PROSER1: variants seen among roughly 807,000 people sequenced by gnomAD.
PROSER1 encodes proline and serine rich 1.
Under a neutral mutation model 71.8 loss-of-function variants are expected in PROSER1, and 36 were observed. The ratio of observed to expected loss-of-function variants is 0.50; its 90% confidence interval spans 0.38 to 0.66. The LOEUF (loss-of-function observed/expected upper bound fraction) is 0.66. Among genes scored for constraint, PROSER1 ranks in the 30% least tolerant of loss-of-function variants. The probability of loss-of-function intolerance (pLI) is 0.00; values close to 1 mark genes in which losing one functional copy is unlikely to be tolerated. For missense variants in PROSER1, 1,107 were observed against 1,135.0 expected (o/e 0.98, Z 0.35); for synonymous variants, 490 against 452.4 (o/e 1.08, Z -1.06).
intron 10 of PROSER1, among the ~76,000 whole-genome samples, chr13:39,016,626 T>C (rs547574196): frequency 6.6e-6 from 1 of 152,282 alleles, no homozygotes; most frequent in South Asian, 2.1e-4. Context: ...AAGATGAACA[T>C]AAAAGCTGAA....
chr13:39,020,441 G>A (rs1385044225), intron 9 of PROSER1, among the ~76,000 whole-genome samples: 1 of 151,790 alleles, frequency 6.6e-6, no homozygotes, highest in Non-Finnish European at 1.5e-5. Flanking sequence ...GATTTCTAAC[G>A]ATAATAAAAA....
At chr13:39,015,034 C>T (rs1391744691) in intron 10 of PROSER1, among the ~76,000 whole-genome samples, 2 of 150,452 alleles carry the variant, frequency 1.3e-5, no homozygotes, top group Non-Finnish European at 3.0e-5. Context: ...ATACTGACCG[C>T]TCTACACTAC....
chr13:39,022,457 C>G, intron 8 of PROSER1, 45 bp from the exon 9 acceptor site: 2 of 1,282,234 alleles, frequency 1.6e-6, no homozygotes, highest in Non-Finnish European at 2.3e-6. Flanking sequence ...TAGGACTGTT[C>G]TGTGACTGGT....
chr13:39,013,841 C>T lies in PROSER1; in HGVS notation c.1411G>A (p.Ala471Thr). The change falls in exon 11 of 13, where the codon GCG (alanine) becomes ACG (threonine). Residue 471 changes from alanine to threonine, a missense_variant. Physicochemically the swap from Ala to Thr is moderately conservative, Grantham distance 58. Coordinates refer to ENST00000352251, the MANE Select transcript of PROSER1 (RefSeq NM_025138.5). ...TTGGATGTCAGAAAACCTTTTAACG[C>T]AGACAAAAGAGGACTGTTCACACCA... ...PLGVNSPLLS[A>T]LKGFLTSNDT... 6.2e-7 allele frequency: 1 copy of T among 1,614,168 alleles called. No homozygotes were observed. The highest frequency in any genetic ancestry group is 8.5e-7 in the Non-Finnish European group (1 of 1,180,036).
chr13:39,035,911 AC>A (rs1254475331), intron 1 of PROSER1, among the ~76,000 whole-genome samples: 3 of 152,246 alleles, frequency 2.0e-5, no homozygotes, highest in Non-Finnish European at 4.4e-5. Context: ...TTAACTGCTG[AC>A]CAGAAATACA....
intron 10 of PROSER1, among the ~76,000 whole-genome samples, chr13:39,015,291 GA>G (rs1030452700): frequency 1.3e-5 from 2 of 152,124 alleles, no homozygotes; most frequent in Non-Finnish European, 2.9e-5. Context: ...CATTTTGGGG[GA>G]TGATGTGGGC....
At chr13:39,029,516 CAAAAG>C (rs928095081) in intron 3 of PROSER1, 141 bp from the exon 4 acceptor site, 9 of 469,970 alleles carry the variant, frequency 1.9e-5, no homozygotes, top group South Asian at 1.5e-4. Context: ...ACCACTTACT[CAAAAG>C]AAAGTTCTAA....
At chr13:39,028,613 A>G (rs1029791528) in intron 4 of PROSER1, among the ~76,000 whole-genome samples, 1 of 152,200 alleles carries the variant, frequency 6.6e-6, no homozygotes, top group Non-Finnish European at 1.5e-5. Flanking sequence ...AGCTATGCCA[A>G]TAGAACCAAC....
chr13:39,012,687 A>G lies in PROSER1; in HGVS notation c.2561+4T>C. 5 of 1,547,098 alleles carry G rather than the reference A, an allele frequency of 3.2e-6. No individual in the cohort carries two copies. The highest frequency in any genetic ancestry group is 1.2e-5 in the South Asian group (1 of 80,862). On this transcript the variant is annotated splice_donor_region_variant and intron_variant, in intron 11 of 12. Coordinates refer to ENST00000352251, the MANE Select transcript of PROSER1 (RefSeq NM_025138.5). Reference sequence around the variant, plus strand: ...TTTATCCTATTTCCAAACTATCCACATACCCGGCTTGTGCAACAAGAGCGG... The same window carrying G: ...TTTATCCTATTTCCAAACTATCCACGTACCCGGCTTGTGCAACAAGAGCGG...
chr13:39,011,410 T>C lies in PROSER1; in HGVS notation c.2790A>G (p.Thr930=), dbSNP rs1391640862. 1 of 1,614,156 alleles carries C rather than the reference T, an allele frequency of 6.2e-7. No individual in the cohort carries two copies. Among genetic ancestry groups the C allele is most frequent in the Non-Finnish European group, 8.5e-7 (1 of 1,179,990 alleles). The part of the protein sequence containing the change: ...GFPSYPSAPG[T]PFSLQPSLSQ... ...ACAGGCTTGGTTGCAAAGAAAATGG[T>C]GTTCCTGGCGCTGAAGGATAACTAG... The change falls in exon 13 of 13, where the codon ACA becomes ACG. Residue 930 remains threonine, a synonymous_variant. Transcript: ENST00000352251.
rs79004953 is a variant in PROSER1, at chr13:39,012,986, G to T, written c.2266C>A (p.Pro756Thr). ...AVLSGLSASA[P>T]VSAAPFPLNL... ...AGGGGGAAAGGTGCTGCTGAGACTG[G>T]TGCTGAAGCAGAAAGCCCTGAGAGA... Residue 756 changes from proline to threonine, a missense_variant, in exon 11 of 13, where the codon CCA becomes ACA. By Grantham distance (38) the Pro-to-Thr change is conservative. Coordinates refer to ENST00000352251, the MANE Select transcript of PROSER1 (RefSeq NM_025138.5). 1.5e-4 allele frequency: 248 copies of T among 1,614,214 alleles called. No homozygotes were observed. The East Asian group carries it at 5.5e-3, about 36-fold the overall frequency.
At chr13:39,014,692 A>G (rs1248145097) in intron 10 of PROSER1, among the ~76,000 whole-genome samples, 1 of 152,196 alleles carries the variant, frequency 6.6e-6, no homozygotes, top group East Asian at 1.9e-4. Context: ...ACTCTGCTCA[A>G]AATAGCCCTC....
chr13:39,020,078 TA>T (rs34446921), intron 9 of PROSER1, among the ~76,000 whole-genome samples: 23,354 of 137,536 alleles, frequency 0.17, 2,136 homozygotes, highest in African/African-American at 0.27. Context: ...TCAAGAGACT[TA>T]AAAAAAAAAA....
chr13:39,028,451 ACTTTT>A (rs1425705259), intron 4 of PROSER1, 131 bp from the exon 5 acceptor site: 2 of 471,850 alleles, frequency 4.2e-6, no homozygotes, highest in Admixed American at 3.7e-5. Flanking sequence ...GTGACTATTT[ACTTTT>A]AACAGCTCAA....
chr13:39,025,861 A>G (rs977399221), intron 6 of PROSER1, among the ~76,000 whole-genome samples: 13 of 152,308 alleles, frequency 8.5e-5, no homozygotes, highest in Non-Finnish European at 1.8e-4. Context: ...GGTTTGAGGA[A>G]CATTAGATGA....
chr13:39,017,571 T>C (rs1248961597), intron 9 of PROSER1, 27 bp from the exon 10 acceptor site: 6 of 1,205,524 alleles, frequency 5.0e-6, no homozygotes, highest in Non-Finnish European at 7.1e-6. Context: ...AAAAGTTCAT[T>C]TTAAACTTTA....
intron 9 of PROSER1, 132 bp downstream of exon 9, chr13:39,022,194 T>G: frequency 1.5e-6 from 1 of 667,264 alleles, no homozygotes. Flanking sequence ...TACCAAGGAT[T>G]CACTTCCAGA....
intron 3 of PROSER1, among the ~76,000 whole-genome samples, chr13:39,030,689 A>G (rs2138131610): frequency 6.6e-6 from 1 of 152,108 alleles, no homozygotes; most frequent in Admixed American, 6.5e-5. Context: ...CAGCCTCCCA[A>G]AGTGCTGGGA....
intron 7 of PROSER1, 92 bp from the exon 8 acceptor site, chr13:39,023,222 C>A (rs1566025489): frequency 2.2e-6 from 2 of 901,832 alleles, no homozygotes; most frequent in Admixed American, 3.6e-5. Flanking sequence ...TCCTAATATG[C>A]TAAAAATGTC....
Sources: gnomAD v4.1 joint callset for allele counts (sites outside exome capture counted in the v4.1 genomes callset) on GRCh38, gnomAD v4.1.1 for gene constraint, MANE v1.5 for transcripts, NCBI Gene and HGNC (gene_info 2026-07-23, HGNC 2026-07-21) for gene names.